MBOAT1: variants seen among roughly 807,000 people sequenced by gnomAD.
The protein encoded by MBOAT1 is membrane-bound glycerophospholipid O-acyltransferase 1.
In MBOAT1, 67 loss-of-function variants were observed where a neutral mutation model predicts 64.4. That is an observed-to-expected ratio of 1.04 (90% CI 0.85 to 1.27). MBOAT1 has a LOEUF of 1.27. Ranked by LOEUF, MBOAT1 falls within the 50% of genes most tolerant of loss-of-function variation. The pLI is 0.00. For synonymous variants in MBOAT1, 229 were observed against 218.9 expected (o/e 1.05, Z -0.41); for missense variants, 563 against 604.6 (o/e 0.93, Z 0.72).
In MBOAT1 at chr6:20,165,621, T is replaced by C. The variant is rs556824065; in HGVS notation, c.100-12852A>G. Among the ~76,000 whole-genome samples, 17 of 151,986 alleles carry C rather than the reference T, an allele frequency of 1.1e-4. 1 individual carries two copies. The South Asian group carries it at 3.5e-3, about 32-fold the overall frequency. Reference sequence around the variant, plus strand: ...AGCCAGGCATGGTGGCACACACCTGTAATCCCAGCTACTCAGGAGGCTAAA... The same window carrying C: ...AGCCAGGCATGGTGGCACACACCTGCAATCCCAGCTACTCAGGAGGCTAAA... On this transcript the variant is annotated intron_variant, in intron 1 of 12. Coordinates refer to ENST00000324607, the MANE Select transcript of MBOAT1 (RefSeq NM_001080480.3).
At chr6:20,106,367 T>C (rs1245565232) in intron 12 of MBOAT1, among the ~76,000 whole-genome samples, 2 of 152,160 alleles carry the variant, frequency 1.3e-5, no homozygotes, top group East Asian at 1.9e-4. Context: ...GGGCCACACA[T>C]GTTGGGTGGC....
At chr6:20,157,272 C>G (rs7741848) in intron 1 of MBOAT1, among the ~76,000 whole-genome samples, 14,945 of 152,200 alleles carry the variant, frequency 0.098, 728 homozygotes, top group South Asian at 0.12. Context: ...GCCTGCACAA[C>G]AGAGACCTTG....
intron 1 of MBOAT1, among the ~76,000 whole-genome samples, chr6:20,193,781 A>G (rs1016316287): frequency 2.0e-5 from 3 of 151,528 alleles, no homozygotes; most frequent in African/African-American, 7.3e-5. Context: ...TAATTTTTGT[A>G]TTTTTAGTAA....
intron 1 of MBOAT1, among the ~76,000 whole-genome samples, chr6:20,209,329 A>C (rs1017306574): frequency 1.3e-4 from 20 of 152,222 alleles, no homozygotes; most frequent in African/African-American, 4.8e-4. Flanking sequence ...ATGTCAGACT[A>C]ATCAAAATCC....
intron 12 of MBOAT1, among the ~76,000 whole-genome samples, chr6:20,109,358 CT>C (rs1760052763): frequency 6.6e-6 from 1 of 152,182 alleles, no homozygotes; most frequent in Non-Finnish European, 1.5e-5. Context: ...GAGGGGGCCC[CT>C]GGATGACATT....
At chr6:20,206,007 C>T (rs1763254792) in intron 1 of MBOAT1, among the ~76,000 whole-genome samples, 1 of 152,122 alleles carries the variant, frequency 6.6e-6, no homozygotes, top group Admixed American at 6.5e-5. Flanking sequence ...TAACTTCCTT[C>T]TCCCCCTCCT....
intron 1 of MBOAT1, among the ~76,000 whole-genome samples, chr6:20,195,812 A>T (rs1762939751): frequency 6.6e-6 from 1 of 152,048 alleles, no homozygotes; most frequent in Non-Finnish European, 1.5e-5. Context: ...AAAAAGCAAA[A>T]ATCAGAGAGA....
chr6:20,191,491 T>G, intron 1 of MBOAT1, among the ~76,000 whole-genome samples: 1 of 152,232 alleles, frequency 6.6e-6, no homozygotes, highest in African/African-American at 2.4e-5. Flanking sequence ...CATGCTCACT[T>G]TCCTTCGGCT....
At chr6:20,162,475 C>T (rs1199318626) in intron 1 of MBOAT1, among the ~76,000 whole-genome samples, 2 of 152,196 alleles carry the variant, frequency 1.3e-5, no homozygotes, top group Admixed American at 6.5e-5. Context: ...TGGGCTTACA[C>T]ATGTTGAGAA....
chr6:20,184,039 C>T (rs190100905), intron 1 of MBOAT1, among the ~76,000 whole-genome samples: 36 of 152,332 alleles, frequency 2.4e-4, no homozygotes, highest in Non-Finnish European at 4.0e-4. Context: ...CCCTGTGTCC[C>T]TCACATAACA....
intron 1 of MBOAT1, among the ~76,000 whole-genome samples, chr6:20,194,136 AC>A (rs1482234763): frequency 6.6e-6 from 1 of 151,180 alleles, no homozygotes; most frequent in Non-Finnish European, 1.5e-5. Flanking sequence ...AAAAAAAAGC[AC>A]GCATTTTTAA....
intron 1 of MBOAT1, among the ~76,000 whole-genome samples, chr6:20,168,497 GAGAGA>G (rs1762074872): frequency 1.0e-4 from 13 of 124,542 alleles, no homozygotes; most frequent in South Asian, 1.0e-3. Flanking sequence ...GAGACAGAGA[GAGAGA>G]GAGAGGAGAG....
chr6:20,142,617 T>C (rs1168961633), intron 4 of MBOAT1, among the ~76,000 whole-genome samples: 1 of 152,058 alleles, frequency 6.6e-6, no homozygotes, highest in Non-Finnish European at 1.5e-5. Flanking sequence ...ACCCAGCTAA[T>C]TTTTATATTT....
intron 1 of MBOAT1, among the ~76,000 whole-genome samples, chr6:20,208,417 GC>G (rs912125044): frequency 8.7e-6 from 1 of 115,028 alleles, no homozygotes; most frequent in Non-Finnish European, 1.8e-5. Context: ...CTGCACTCCA[GC>G]CTGGGTGACA....
chr6:20,107,374 C>T (rs980986314), intron 12 of MBOAT1, among the ~76,000 whole-genome samples: 7 of 151,760 alleles, frequency 4.6e-5, no homozygotes, highest in African/African-American at 1.7e-4. Context: ...TGGAGCATGG[C>T]CCACAATGCC....
chr6:20,169,229 T>G (rs1269932634), intron 1 of MBOAT1, among the ~76,000 whole-genome samples: 2 of 152,238 alleles, frequency 1.3e-5, no homozygotes, highest in Non-Finnish European at 2.9e-5. Context: ...TATTTTCTTA[T>G]GCAACACCCC....
intron 4 of MBOAT1, among the ~76,000 whole-genome samples, chr6:20,134,897 A>G (rs1489203826): frequency 8.4e-6 from 1 of 119,682 alleles, no homozygotes; most frequent in Non-Finnish European, 1.7e-5. Flanking sequence ...ATTGGAATTC[A>G]TGTTCTTTTT....
At chr6:20,111,893 T>TACATA (rs1491191628) in intron 11 of MBOAT1, among the ~76,000 whole-genome samples, 3 of 140,638 alleles carry the variant, frequency 2.1e-5, no homozygotes, top group Admixed American at 7.2e-5. Flanking sequence ...TATATATATA[T>TACATA]TCCAGCACAC....
intron 1 of MBOAT1, among the ~76,000 whole-genome samples, chr6:20,191,388 G>A (rs1334366612): frequency 6.6e-6 from 1 of 152,192 alleles, no homozygotes; most frequent in Non-Finnish European, 1.5e-5. Flanking sequence ...AAAAGACTAA[G>A]ACAATATTAT....
Sources: allele counts gnomAD v4.1 joint callset (sites outside exome capture counted in the v4.1 genomes callset), GRCh38; gene constraint gnomAD v4.1.1; transcripts MANE v1.5; gene names NCBI Gene and HGNC (gene_info 2026-07-23, HGNC 2026-07-21).